Variants in COLEC12 observed in about 807,000 individuals in gnomAD.
COLEC12 encodes the protein collectin-12.
In COLEC12, 33 loss-of-function variants were observed where a neutral mutation model predicts 71.1. The ratio of observed to expected loss-of-function variants is 0.46; its 90% CI spans 0.35 to 0.62. COLEC12 has a LOEUF of 0.62. Ranked by LOEUF, COLEC12 falls within the 20% of genes least tolerant of loss-of-function variation. COLEC12 has a pLI of 0.00. For missense variants in COLEC12, 765 were observed against 916.1 expected, an observed-to-expected ratio of 0.84 and a Z score of 2.13; for synonymous variants, 350 against 353.0, an observed-to-expected ratio of 0.99 and a Z score of 0.10.
At chr18:404,541 T>C (rs913981276) in intron 2 of COLEC12, among the ~76,000 whole-genome samples, 1 of 152,128 alleles carries the variant, frequency 6.6e-6, no homozygotes, top group Non-Finnish European at 1.5e-5. Flanking sequence ...GGTGGTGTTG[T>C]GGGAAGTTAG....
rs12962580 is a variant in COLEC12, at chr18:408,688, C to T, written c.59-51166G>A. 0.14 allele frequency among the ~76,000 whole-genome samples: 21,418 copies of T among 151,586 alleles called. 2,005 individuals carry two copies. The highest frequency in any genetic ancestry group is 0.32 in the East Asian group (1,672 of 5,152). The stretch of plus-strand genomic sequence containing the variant: ...TTATTTCTTTAAGTCAAATTTCAGA[C>T]AGAGGAAGTAGGTCTAAATTCATTA... On this transcript the variant is annotated intron_variant, in intron 2 of 9. Transcript: ENST00000400256. This position sits in a 1 kb window ranked among gnomAD's most constrained non-coding sequence, Gnocchi z 4.3.
At chr18:414,726 C>T (rs1018514917) in intron 2 of COLEC12, among the ~76,000 whole-genome samples, 3 of 152,178 alleles carry the variant, frequency 2.0e-5, no homozygotes, top group African/African-American at 4.8e-5. Context: ...TAGGAAAGGG[C>T]GGCCCAGAGA....
intron 6 of COLEC12, chr18:334,446 G>A (rs1177342757): frequency 5.5e-5 from 11 of 201,752 alleles, no homozygotes; most frequent in Non-Finnish European, 9.9e-5. Flanking sequence ...TGGCCAACAC[G>A]GTGAAACCCC....
intron 2 of COLEC12, among the ~76,000 whole-genome samples, chr18:395,737 C>T (rs1915557315): frequency 6.6e-6 from 1 of 152,184 alleles, no homozygotes; most frequent in African/African-American, 2.4e-5. Flanking sequence ...AAATGTCACC[C>T]ATCACCCAAT....
intron 1 of COLEC12, among the ~76,000 whole-genome samples, chr18:499,068 C>G (rs1163605590): frequency 6.6e-6 from 1 of 152,186 alleles, no homozygotes; most frequent in Non-Finnish European, 1.5e-5. Flanking sequence ...AAAATGATAA[C>G]TGAGCCCCAG....
At chr18:344,568 C>A (rs759798396) in intron 5 of COLEC12, among the ~76,000 whole-genome samples, 16 of 152,150 alleles carry the variant, frequency 1.1e-4, no homozygotes, top group Non-Finnish European at 2.1e-4. Flanking sequence ...CAGAGGTGGT[C>A]TTGGCATACT....
chr18:442,186 G>A (rs150811018), intron 2 of COLEC12, among the ~76,000 whole-genome samples: 306 of 152,070 alleles, frequency 2.0e-3, no homozygotes, highest in African/African-American at 6.8e-3. Context: ...GAGAAAAGAC[G>A]AAGTTACAGA....
rs184660430 is a variant in COLEC12, at chr18:374,775, T to C, written c.59-17253A>G. ...CAAGCAATACTTATCTGTGAGCCAC[T>C]GGCCCCAATAACTAACTCAAGACAG... On this transcript the variant is annotated intron_variant, in intron 2 of 9. Transcript: ENST00000400256. Among the ~76,000 whole-genome samples, 281 of 152,294 alleles carry C rather than the reference T, an allele frequency of 1.8e-3. 1 individual carries two copies. The highest frequency in any genetic ancestry group is 3.3e-3 in the Non-Finnish European group (224 of 68,024).
chr18:445,635 C>CTTTTT (rs35766404), intron 2 of COLEC12, among the ~76,000 whole-genome samples: 37,733 of 137,166 alleles, frequency 0.28, 6,097 homozygotes, highest in African/African-American at 0.38. Flanking sequence ...CACTAATCCA[C>CTTTTT]TTTTTTTTTT....
At chr18:378,327 A>G (rs1027278637) in intron 2 of COLEC12, among the ~76,000 whole-genome samples, 8 of 152,220 alleles carry the variant, frequency 5.3e-5, no homozygotes, top group African/African-American at 1.9e-4. Context: ...TGTGAATTAA[A>G]CACAAAAACC....
rs540552182 is a variant in COLEC12 at position 399,155 on chromosome 18, C to CA, written c.59-41634dup. On this transcript the variant is annotated intron_variant, in intron 2 of 9. Transcript: ENST00000400256. This position sits in a 1 kb window ranked among gnomAD's most constrained non-coding sequence, Gnocchi z 4.0. ...AAAAGCAAAGGAACCAAAAACAACA[C>CA]AAAAAAACCCCAATCTGAAACACTA... Among the ~76,000 whole-genome samples the CA allele has an allele frequency of 5.3e-5, 8 of 152,314 alleles. No individual in the cohort carries two copies. The highest frequency in any genetic ancestry group is 2.1e-4 in the South Asian group (1 of 4,828).
At chr18:403,081 G>A (rs1285047695) in intron 2 of COLEC12, among the ~76,000 whole-genome samples, 5 of 152,182 alleles carry the variant, frequency 3.3e-5, no homozygotes, top group Non-Finnish European at 7.3e-5. Context: ...GGATCCCAAA[G>A]TAAGAAGTGC....
chr18:394,137 T>C (rs920356173), intron 2 of COLEC12, among the ~76,000 whole-genome samples: 2 of 152,172 alleles, frequency 1.3e-5, no homozygotes, highest in Non-Finnish European at 2.9e-5. Flanking sequence ...CAGCAGCTTG[T>C]CCATTGATGA....
At chr18:351,024 C>T (rs539282633) in intron 3 of COLEC12, among the ~76,000 whole-genome samples, 2 of 151,178 alleles carry the variant, frequency 1.3e-5, no homozygotes, top group South Asian at 2.1e-4. Context: ...TATGAGCCAA[C>T]GGATCTAATT....
At chr18:386,517 T>C (rs57315836) in intron 2 of COLEC12, among the ~76,000 whole-genome samples, 29,546 of 152,112 alleles carry the variant, frequency 0.19, 3,074 homozygotes, top group Middle Eastern at 0.3. Flanking sequence ...CTATGTCCAT[T>C]AACATTGGAG....
intron 1 of COLEC12, among the ~76,000 whole-genome samples, chr18:493,143 G>A (rs1226728169): frequency 6.6e-6 from 1 of 152,152 alleles, no homozygotes. Context: ...AGAGACAGAG[G>A]TTACAGTGAG....
At chr18:354,517 G>A (rs1166798528) in intron 3 of COLEC12, among the ~76,000 whole-genome samples, 1 of 152,124 alleles carries the variant, frequency 6.6e-6, no homozygotes, top group Non-Finnish European at 1.5e-5. Context: ...TTCTTTCATT[G>A]AATATTCTTT....
chr18:358,187 C>T (rs9953992), intron 2 of COLEC12, among the ~76,000 whole-genome samples: 34,621 of 151,956 alleles, frequency 0.23, 4,356 homozygotes, highest in Middle Eastern at 0.37. Context: ...AGGTAGGGGA[C>T]CACTGTCCTA....
At chr18:376,757 G>A (rs1915123441) in intron 2 of COLEC12, among the ~76,000 whole-genome samples, 2 of 152,134 alleles carry the variant, frequency 1.3e-5, no homozygotes, top group South Asian at 2.1e-4. Flanking sequence ...CAAGACTCTC[G>A]TCTTTCTCTG....
Sources: allele counts gnomAD v4.1 joint callset (sites outside exome capture counted in the v4.1 genomes callset), GRCh38; gene constraint gnomAD v4.1.1; non-coding constraint Gnocchi (gnomAD v3.1); transcripts MANE v1.5; gene names NCBI Gene and HGNC (gene_info 2026-07-23, HGNC 2026-07-21).